The following BSN variants were observed in gnomAD, a reference collection of about 807,000 sequenced individuals.
The protein encoded by BSN is bassoon presynaptic cytomatrix protein.
BSN carries 57 observed loss-of-function variants against 264.8 expected under a neutral mutation model. The ratio of observed to expected loss-of-function variants is 0.22; its 90% CI spans 0.17 to 0.27. BSN has a LOEUF of 0.27. Among genes scored for constraint, BSN ranks in the 10% least tolerant of loss-of-function variants. BSN has a pLI of 1.00. For missense variants in BSN, 4,615 were observed against 5,232.5 expected, an observed-to-expected ratio of 0.88 and a Z score of 3.64; for synonymous variants, 2,059 against 2,137.3, an observed-to-expected ratio of 0.96 and a Z score of 1.01.
At chr3:49,631,667 G>A (rs2052385117) in intron 2 of BSN, among the ~76,000 whole-genome samples, 1 of 152,048 alleles carries the variant, frequency 6.6e-6, no homozygotes, top group South Asian at 2.1e-4. Context: ...GGCCTGAGGG[G>A]ATGTGCTTTG....
Position 49,653,698 on chromosome 3 carries a change from C to T in BSN, c.4142C>T (p.Pro1381Leu), listed in dbSNP as rs145442546. The T allele has an allele frequency of 1.4e-4, 218 of 1,613,840 alleles. No individual in the cohort carries two copies. In the African/African-American group the frequency reaches 2.5e-3, roughly 19 times the overall value. The stretch of plus-strand genomic sequence containing the variant: ...CCCTTTTCCCAGGGCCCTGGGACCC[C>T]AGCCACCACAGCTGTGGCTCCTTGT... Reference protein sequence around the residue: ...GMPFSQGPGTPATTAVAPCPA... With the variant: ...GMPFSQGPGTLATTAVAPCPA... The change falls in exon 5 of 12, where the codon CCA becomes CTA. Residue 1381 changes from proline to leucine, a missense_variant. Physicochemically the swap from Pro to Leu is moderately conservative, Grantham distance 98. Coordinates refer to ENST00000296452, the MANE Select transcript of BSN (RefSeq NM_003458.4). This position sits in a 1 kb window ranked among gnomAD's most constrained non-coding sequence, Gnocchi z 6.3.
At position 49,657,557 on chromosome 3, in the gene BSN, G is replaced by A. The variant is rs771762931; in HGVS notation, c.8001G>A (p.Gln2667=). The change falls in exon 5 of 12, where the codon CAG becomes CAA. Residue 2667 remains glutamine (Q), a synonymous_variant. Coordinates refer to ENST00000296452, the MANE Select transcript of BSN (RefSeq NM_003458.4). ...TVRAMSSVGI[Q]TISDCSVQTE... ...GGGCCATGAGCAGCGTGGGCATCCA[G>A]ACCATCAGTGACTGCTCCGTGCAGA... 3 of 1,613,174 alleles carry A rather than the reference G, an allele frequency of 1.9e-6. No individual in the cohort carries two copies. Among genetic ancestry groups the A allele is most frequent in the Non-Finnish European group, 1.7e-6 (2 of 1,180,016 alleles).
chr3:49,588,893 C>T (rs542819925), intron 1 of BSN, among the ~76,000 whole-genome samples: 255 of 150,798 alleles, frequency 1.7e-3, no homozygotes, highest in Non-Finnish European at 2.4e-3. Flanking sequence ...GAGAAGAGTG[C>T]GCATTCTGCT....
In BSN at chr3:49,642,595, G is replaced by A; in HGVS notation, c.961G>A (p.Ala321Thr). 6.2e-7 allele frequency: 1 copy of A among 1,604,776 alleles called. No homozygotes were observed. Among genetic ancestry groups the A allele is most frequent in the Non-Finnish European group, 8.5e-7 (1 of 1,174,516 alleles). Residue 321 changes from alanine to threonine, a missense_variant, in exon 3 of 12, where the codon GCA becomes ACA. Ala to Thr is a moderately conservative substitution (Grantham distance 58, BLOSUM62 0). Coordinates refer to ENST00000296452, the MANE Select transcript of BSN (RefSeq NM_003458.4). This position sits in a 1 kb window ranked among gnomAD's most constrained non-coding sequence, Gnocchi z 7.0. ...KPSTAEPRPP[A>T]GEAPAKSATA... is the part of the protein sequence containing the mutation. ...TTCCACAGCTGAGCCCAGGCCACCT[G>A]CAGGAGAGGCCCCGGCCAAAAGTGC...
Position 49,656,011 on chromosome 3 carries a change from C to T in BSN, c.6455C>T (p.Pro2152Leu). 6.2e-7 allele frequency: 1 copy of T among 1,602,898 alleles called. No homozygotes were observed. The highest frequency in any genetic ancestry group is 8.5e-7 in the Non-Finnish European group (1 of 1,174,542). The change falls in exon 5 of 12, where the codon CCC (proline) becomes CTC (leucine). Residue 2152 changes from proline (P) to leucine (L), a missense_variant. Pro to Leu is a moderately conservative substitution (Grantham distance 98). Around this residue, in one of 3 missense-constraint regions of BSN, gnomAD observed 3,415 missense variants for 3,866.4 expected, o/e 0.88. Coordinates refer to ENST00000296452, the MANE Select transcript of BSN (RefSeq NM_003458.4). The stretch of plus-strand genomic sequence containing the variant: ...CTCAGACCTGGACTCCTTGGTAACC[C>T]CACCTTTCCAGAGGGCCACCCAAGT... The part of the protein sequence containing the change: ...VPLRPGLLGN[P>L]TFPEGHPSPG...
Position 49,653,571 on chromosome 3 carries a change from G to A in BSN, c.4015G>A (p.Asp1339Asn), listed in dbSNP as rs758036810. ...SDSSGGRVIP[D>N]VRVTQHFAKE... ...CAGCAGCGGGGGCCGAGTTATTCCC[G>A]ATGTCCGTGTCACTCAGCATTTTGC... is the stretch of plus-strand genomic sequence containing the variant. Residue 1339 changes from aspartate (D) to asparagine (N), a missense_variant, in exon 5 of 12, where the codon GAT becomes AAT. This residue lies in a region of BSN where 3,415 missense variants were observed against 3,866.4 expected (regional missense o/e 0.88). Coordinates refer to ENST00000296452, the MANE Select transcript of BSN (RefSeq NM_003458.4). The surrounding 1 kb of genome is among the most constrained non-coding windows in gnomAD (Gnocchi z 6.3). The A allele has an allele frequency of 2.2e-5, 35 of 1,613,606 alleles. No homozygotes were observed. Among genetic ancestry groups the A allele is most frequent in the South Asian group, 3.3e-5 (3 of 91,066 alleles).
intron 1 of BSN, among the ~76,000 whole-genome samples, chr3:49,613,802 C>A (rs140902313): frequency 1.3e-5 from 2 of 152,070 alleles, no homozygotes; most frequent in African/African-American, 4.8e-5. Context: ...ACCGCCATGC[C>A]CAGCTGTAGT....
chr3:49,659,251 T>C (rs1298416049), intron 5 of BSN, among the ~76,000 whole-genome samples: 1 of 152,026 alleles, frequency 6.6e-6, no homozygotes, highest in Non-Finnish European at 1.5e-5. Flanking sequence ...GACTCTAGGC[T>C]GGCAGGGAGG....
At chr3:49,631,873 A>G (rs923252982) in intron 2 of BSN, among the ~76,000 whole-genome samples, 4 of 152,224 alleles carry the variant, frequency 2.6e-5, no homozygotes, top group South Asian at 2.1e-4. Context: ...AATAGCCAAA[A>G]TAATTGTGAA....
chr3:49,586,402 T>C (rs2051938454), intron 1 of BSN, among the ~76,000 whole-genome samples: 1 of 152,152 alleles, frequency 6.6e-6, no homozygotes, highest in Admixed American at 6.6e-5. Flanking sequence ...TGAGACAGGG[T>C]CTCACTCTGT....
chr3:49,656,381 T>C lies in BSN; in HGVS notation c.6825T>C (p.Pro2275=). The C allele has an allele frequency of 1.9e-6, 3 of 1,596,446 alleles. No homozygotes were observed. Among genetic ancestry groups the C allele is most frequent in the Non-Finnish European group, 2.6e-6 (3 of 1,170,344 alleles). Residue 2275 remains proline (P), a synonymous_variant, in exon 5 of 12, where the codon CCT becomes CCC. Coordinates refer to ENST00000296452, the MANE Select transcript of BSN (RefSeq NM_003458.4). ...SRFPIASSVP[P]AEGPVYLGKP... is the part of the protein sequence containing the mutation. ...TTCCCATTGCTTCCAGTGTTCCACC[T>C]GCAGAAGGGCCTGTCTATCTGGGGA...
At chr3:49,659,017 T>A (rs551041440) in intron 5 of BSN, among the ~76,000 whole-genome samples, 1 of 152,124 alleles carries the variant, frequency 6.6e-6, no homozygotes, top group African/African-American at 2.4e-5. Context: ...ACAAAGCAGA[T>A]GTTTTGGAAA....
chr3:49,562,260 T>G (rs1032694740), intron 1 of BSN, among the ~76,000 whole-genome samples: 1 of 152,204 alleles, frequency 6.6e-6, no homozygotes, highest in Non-Finnish European at 1.5e-5. Flanking sequence ...TGGAACAATT[T>G]TAAAGTGAAA....
chr3:49,654,536 C>T lies in BSN; in HGVS notation c.4980C>T (p.Thr1660=), dbSNP rs138253818. 302 of 1,610,820 alleles carry T rather than the reference C, an allele frequency of 1.9e-4. 1 individual carries two copies. In the South Asian group the frequency reaches 2.8e-3, roughly 15 times the overall value. ...CTAGGGTTGAGCCAGGCCCCAGGAC[C>T]CCTGGCACTGCAGTGGTAGACCTCC... ...GTSRVEPGPR[T]PGTAVVDLRT... The change falls in exon 5 of 12, where the codon ACC becomes ACT. Residue 1660 remains threonine, a synonymous_variant. Coordinates refer to ENST00000296452, the MANE Select transcript of BSN (RefSeq NM_003458.4). The surrounding 1 kb of genome is among the most constrained non-coding windows in gnomAD (Gnocchi z 4.1).
chr3:49,621,104 A>C (rs138762788), intron 1 of BSN, among the ~76,000 whole-genome samples: 30 of 152,252 alleles, frequency 2.0e-4, no homozygotes, highest in African/African-American at 6.3e-4. Flanking sequence ...ACCAAGGGGG[A>C]GACTAGGAGG....
At chr3:49,634,821 A>AC (rs1169637353) in intron 2 of BSN, among the ~76,000 whole-genome samples, 1 of 152,208 alleles carries the variant, frequency 6.6e-6, no homozygotes, top group East Asian at 1.9e-4. Context: ...TTATTTTAAC[A>AC]CACACTATAT....
chr3:49,575,485 AATAT>A (rs1038629414), intron 1 of BSN, among the ~76,000 whole-genome samples: 1 of 146,618 alleles, frequency 6.8e-6, no homozygotes, highest in South Asian at 2.1e-4. Flanking sequence ...TATATATGTA[AATAT>A]ATATGTGTGT....
intron 1 of BSN, among the ~76,000 whole-genome samples, chr3:49,622,917 G>T (rs528040348): frequency 1.3e-5 from 2 of 152,182 alleles, no homozygotes; most frequent in African/African-American, 4.8e-5. Flanking sequence ...AGCAATTGGC[G>T]GGTCTGTGAC....
At position 49,661,030 on chromosome 3, in the gene BSN, A is replaced by G. The variant is rs1034617560; in HGVS notation, c.9185A>G (p.Gln3062Arg). Residue 3062 changes from glutamine to arginine, a missense_variant, in exon 6 of 12, where the codon CAG (glutamine) becomes CGG (arginine). Physicochemically the swap from Gln to Arg is conservative, Grantham distance 43 (BLOSUM62 1). Coordinates refer to ENST00000296452, the MANE Select transcript of BSN (RefSeq NM_003458.4). The part of the protein sequence containing the change: ...QQPRFQPPAP[Q>R]YSAGSGGPTQ... Reference sequence around the variant, plus strand: ...CCCCGCTTCCAGCCTCCAGCCCCACAGTATTCTGCAGGCAGTGGTGGGCCA... The same window carrying G: ...CCCCGCTTCCAGCCTCCAGCCCCACGGTATTCTGCAGGCAGTGGTGGGCCA... The G allele has an allele frequency of 7.4e-6, 12 of 1,610,998 alleles. No homozygotes were observed. The highest frequency in any genetic ancestry group is 3.3e-4 in the Middle Eastern group (2 of 6,078).
Sources: allele counts gnomAD v4.1 joint callset (sites outside exome capture counted in the v4.1 genomes callset), GRCh38; gene constraint gnomAD v4.1.1; regional missense constraint gnomAD v4.1.1; non-coding constraint Gnocchi (gnomAD v3.1); transcripts MANE v1.5; gene names NCBI Gene and HGNC (gene_info 2026-07-23, HGNC 2026-07-21).